The following SPAG16 variants were observed in gnomAD, a reference collection of about 807,000 sequenced individuals.
SPAG16 encodes the protein sperm associated antigen 16.
SPAG16 carries 86 observed loss-of-function variants against 80.4 expected under a neutral mutation model. That is an observed-to-expected ratio of 1.07 (90% CI 0.90 to 1.28). The LOEUF (loss-of-function observed/expected upper bound fraction) is 1.28. Among genes scored for constraint, SPAG16 ranks in the 50% most tolerant of loss-of-function variants. SPAG16 has a pLI of 0.00. For missense variants in SPAG16, 870 were observed against 765.3 expected (o/e 1.14, Z -1.61); for synonymous variants, 294 against 265.9 (o/e 1.11, Z -1.03).
intron 15 of SPAG16, chr2:214,238,389 G>T: frequency 1.8e-5 from 3 of 162,924 alleles, no homozygotes; most frequent in South Asian, 1.5e-4. Context: ...CTTTATTCAG[G>T]GATTATTTTC....
At chr2:213,844,237 C>T (rs907701484) in intron 10 of SPAG16, among the ~76,000 whole-genome samples, 9 of 152,042 alleles carry the variant, frequency 5.9e-5, no homozygotes, top group African/African-American at 1.4e-4. Flanking sequence ...GAAAAGTTAG[C>T]GGGGAAGGAA....
chr2:213,613,862 C>T (rs867569733), intron 10 of SPAG16, among the ~76,000 whole-genome samples: 1 of 152,028 alleles, frequency 6.6e-6, no homozygotes, highest in Non-Finnish European at 1.5e-5. Context: ...TGGAAGTAGG[C>T]GAGAGAACAC....
intron 1 of SPAG16, among the ~76,000 whole-genome samples, chr2:213,289,630 A>G (rs1455549636): frequency 6.6e-6 from 1 of 152,230 alleles, no homozygotes; most frequent in Non-Finnish European, 1.5e-5. Context: ...AGGGACCAAG[A>G]CTATGATATT....
chr2:213,448,862 A>T (rs1296642807), intron 9 of SPAG16, among the ~76,000 whole-genome samples: 1 of 152,208 alleles, frequency 6.6e-6, no homozygotes, highest in Non-Finnish European at 1.5e-5. Context: ...TTTGAACAAT[A>T]TGAAATCAGT....
intron 11 of SPAG16, among the ~76,000 whole-genome samples, chr2:213,917,388 G>A (rs2078019985): frequency 6.6e-6 from 1 of 152,118 alleles, no homozygotes; most frequent in Admixed American, 6.6e-5. Flanking sequence ...TAATAATATT[G>A]ATTCTTCCTA....
intron 10 of SPAG16, among the ~76,000 whole-genome samples, chr2:213,662,227 C>T (rs2063453224): frequency 6.6e-6 from 1 of 152,004 alleles, no homozygotes; most frequent in South Asian, 2.1e-4. Flanking sequence ...AAATATGGAA[C>T]TCAGATCTGA....
chr2:214,320,908 C>T (rs934876752), intron 15 of SPAG16, among the ~76,000 whole-genome samples: 3 of 152,146 alleles, frequency 2.0e-5, no homozygotes, highest in South Asian at 2.1e-4. Context: ...GTAAACACTA[C>T]GAAATTAATT....
At chr2:213,797,115 A>G (rs899094466) in intron 10 of SPAG16, among the ~76,000 whole-genome samples, 17 of 152,174 alleles carry the variant, frequency 1.1e-4, no homozygotes, top group African/African-American at 3.4e-4. Flanking sequence ...AATATTTTGT[A>G]CAGCTGTACA....
chr2:213,356,009 T>C (rs1297331369), intron 7 of SPAG16, among the ~76,000 whole-genome samples: 2 of 152,188 alleles, frequency 1.3e-5, no homozygotes. Flanking sequence ...TGTGGGTTTG[T>C]CATAAATAGC....
At chr2:213,743,834 C>G (rs2067690546) in intron 10 of SPAG16, among the ~76,000 whole-genome samples, 2 of 152,070 alleles carry the variant, frequency 1.3e-5, no homozygotes, top group African/African-American at 4.8e-5. Context: ...TGTCTCTGTC[C>G]CATTTTCCCA....
chr2:214,013,764 C>CTTTATA (rs2047438553), intron 12 of SPAG16, among the ~76,000 whole-genome samples, 187 bp from the exon 13 acceptor site: 1 of 152,078 alleles, frequency 6.6e-6, no homozygotes, highest in African/African-American at 2.4e-5. Context: ...TAGTTTTATG[C>CTTTATA]TACTAATCGT....
intron 9 of SPAG16, among the ~76,000 whole-genome samples, chr2:213,467,278 G>A (rs2072751608): frequency 6.6e-6 from 1 of 152,308 alleles, no homozygotes; most frequent in Non-Finnish European, 1.5e-5. Context: ...AGTTGGACCA[G>A]TATGGTGGTT....
intron 10 of SPAG16, among the ~76,000 whole-genome samples, chr2:213,512,825 T>C (rs2075278307): frequency 6.6e-6 from 1 of 152,152 alleles, no homozygotes; most frequent in South Asian, 2.1e-4. Flanking sequence ...TGAATCCTCA[T>C]TGACTTGAAA....
chr2:214,088,312 A>G (rs2051921208), intron 13 of SPAG16, among the ~76,000 whole-genome samples: 1 of 151,434 alleles, frequency 6.6e-6, no homozygotes, highest in African/African-American at 2.4e-5. Flanking sequence ...CCTATTCCCA[A>G]TCTTACTTAA....
intron 12 of SPAG16, among the ~76,000 whole-genome samples, chr2:213,986,752 T>C (rs1467438969): frequency 6.6e-6 from 1 of 151,828 alleles, no homozygotes; most frequent in African/African-American, 2.4e-5. Flanking sequence ...ATTACTACGT[T>C]GTGAAGTTGG....
intron 10 of SPAG16, among the ~76,000 whole-genome samples, chr2:213,730,954 T>C (rs1339838348): frequency 6.6e-6 from 1 of 152,200 alleles, no homozygotes; most frequent in Non-Finnish European, 1.5e-5. Flanking sequence ...CCAAGACTAC[T>C]AATGAGTCCA....
chr2:214,304,733 T>G (rs1287874808), intron 15 of SPAG16, among the ~76,000 whole-genome samples: 1 of 152,186 alleles, frequency 6.6e-6, no homozygotes, highest in Non-Finnish European at 1.5e-5. Context: ...CTGCATAGTA[T>G]TCCATGGTAT....
chr2:213,364,248 T>C (rs1042365134), intron 8 of SPAG16, 103 bp downstream of exon 8: 1 of 527,488 alleles, frequency 1.9e-6, no homozygotes, highest in Non-Finnish European at 3.1e-6. Flanking sequence ...GAGTAAGTGG[T>C]GGCTATTTCA....
intron 15 of SPAG16, among the ~76,000 whole-genome samples, chr2:214,230,355 G>T (rs1477963209): frequency 6.6e-6 from 1 of 151,836 alleles, no homozygotes; most frequent in Non-Finnish European, 1.5e-5. Context: ...AAAAACCAAA[G>T]AATACATTGA....
Sources: gnomAD v4.1 joint callset for allele counts (sites outside exome capture counted in the v4.1 genomes callset) on GRCh38, gnomAD v4.1.1 for gene constraint, MANE v1.5 for transcripts, NCBI Gene and HGNC (gene_info 2026-07-23, HGNC 2026-07-21) for gene names.